Variants in MYO7A observed in about 807,000 individuals in gnomAD.
MYO7A encodes the protein unconventional myosin-VIIa.
Under a neutral mutation model 263.8 loss-of-function variants are expected in MYO7A, and 210 were observed. The ratio of observed to expected loss-of-function variants is 0.80; its 90% CI spans 0.71 to 0.89. The LOEUF (loss-of-function observed/expected upper bound fraction) is 0.89, where lower values mean the gene tolerates loss of function less well. MYO7A is among the 40% of genes least tolerant of loss of function. The probability of loss-of-function intolerance (pLI) is 0.00; values close to 1 mark genes in which losing one functional copy is unlikely to be tolerated. For missense variants in MYO7A, 2,820 were observed against 2,968.3 expected (o/e 0.95, Z 1.16); for synonymous variants, 1,239 against 1,197.3 (o/e 1.03, Z -0.72).
intron 21 of MYO7A, 102 bp downstream of exon 21, chr11:77,180,055 G>A (rs1955047901): frequency 2.4e-6 from 3 of 1,234,984 alleles, no homozygotes; most frequent in African/African-American, 3.0e-5. Flanking sequence ...CTATAGGGGG[G>A]ACCTGCAGTT....
intron 2 of MYO7A, among the ~76,000 whole-genome samples, chr11:77,139,697 C>G (rs980112493): frequency 6.6e-6 from 1 of 152,168 alleles, no homozygotes; most frequent in Non-Finnish European, 1.5e-5. Context: ...TCCCTTCCTT[C>G]TCCCTCTGAG....
intron 2 of MYO7A, among the ~76,000 whole-genome samples, chr11:77,133,581 C>A (rs1410589493): frequency 6.6e-6 from 1 of 152,228 alleles, no homozygotes; most frequent in South Asian, 2.1e-4. Context: ...TGAAATCCTT[C>A]TACTTTTAAC....
At chr11:77,212,648 G>A (rs936883812) in intron 46 of MYO7A, 9 of 470,056 alleles carry the variant, frequency 1.9e-5, no homozygotes, top group African/African-American at 3.9e-5. Flanking sequence ...GCTTGGCTGT[G>A]CGAGGAGAAC....
At chr11:77,153,066 G>C (rs1156790172) in intron 4 of MYO7A, among the ~76,000 whole-genome samples, 1 of 152,168 alleles carries the variant, frequency 6.6e-6, no homozygotes, top group Non-Finnish European at 1.5e-5. Context: ...CAGCTGGAGG[G>C]TTTTCAGCAG....
intron 14 of MYO7A, among the ~76,000 whole-genome samples, chr11:77,164,068 A>C (rs7941134): frequency 0.06 from 9,049 of 152,030 alleles, 437 homozygotes; most frequent in East Asian, 0.26. Context: ...ACCCCCTAAG[A>C]CTCTCAGCAA....
intron 46 of MYO7A, 89 bp from the exon 47 acceptor site, chr11:77,212,863 A>G: frequency 1.8e-6 from 2 of 1,096,866 alleles, no homozygotes; most frequent in Non-Finnish European, 2.7e-6. Flanking sequence ...GGCTGACTTT[A>G]TCCCAGCTGG....
intron 20 of MYO7A, 38 bp from the exon 21 acceptor site, chr11:77,179,697 G>C (rs1381198871): frequency 1.3e-6 from 2 of 1,495,204 alleles, no homozygotes; most frequent in Admixed American, 2.0e-5. Context: ...TCTGGAATGG[G>C]ACAGCAGGCT....
At chr11:77,157,419 G>A (rs1555064412) in intron 8 of MYO7A, 27 bp downstream of exon 8, 7 of 1,512,748 alleles carry the variant, frequency 4.6e-6, no homozygotes, top group African/African-American at 4.2e-5. Context: ...CCCCTGGGTA[G>A]GGGGGCACCC....
At chr11:77,187,466 G>C (rs999484506) in intron 27 of MYO7A, among the ~76,000 whole-genome samples, 3 of 152,206 alleles carry the variant, frequency 2.0e-5, no homozygotes, top group African/African-American at 7.2e-5. Flanking sequence ...GTAGATGGTA[G>C]CTTTGATCAT....
chr11:77,182,970 C>T (rs573112408), intron 25 of MYO7A, 98 bp from the exon 26 acceptor site: 43 of 1,048,376 alleles, frequency 4.1e-5, no homozygotes, highest in East Asian at 1.0e-4. Context: ...GTAAGCTTCA[C>T]GTGGAAGCGA....
Position 77,179,823 on chromosome 11 carries a change from A to G in MYO7A, c.2456A>G (p.Gln819Arg). The G allele has an allele frequency of 1.3e-6, 2 of 1,546,196 alleles. No individual in the cohort carries two copies. Among genetic ancestry groups the G allele is most frequent in the Non-Finnish European group, 1.7e-6 (2 of 1,148,002 alleles). Residue 819 changes from glutamine to arginine, a missense_variant, in exon 21 of 49, where the codon CAG becomes CGG. Physicochemically the swap from Gln to Arg is conservative, Grantham distance 43 (BLOSUM62 1). Coordinates refer to ENST00000409709, the MANE Select transcript of MYO7A (RefSeq NM_000260.4). Reference sequence around the variant, plus strand: ...CGCCTGGCCCGCCAGCGCATCATCCAGTTCCAGGCCCGCTGCCGCGCCTAT... The same window carrying G: ...CGCCTGGCCCGCCAGCGCATCATCCGGTTCCAGGCCCGCTGCCGCGCCTAT... ...QYRLARQRII[Q>R]FQARCRAYLV...
At chr11:77,153,366 C>G (rs1952150168) in intron 4 of MYO7A, among the ~76,000 whole-genome samples, 1 of 152,028 alleles carries the variant, frequency 6.6e-6, no homozygotes, top group Non-Finnish European at 1.5e-5. Flanking sequence ...AGGGGGAGCT[C>G]TGGTCTGGAT....
chr11:77,210,613 C>T (rs1222615212), intron 44 of MYO7A, among the ~76,000 whole-genome samples: 2 of 152,184 alleles, frequency 1.3e-5, no homozygotes, highest in Non-Finnish European at 2.9e-5. Context: ...AGTCTGTGGG[C>T]AGCGCCAGCC....
At chr11:77,159,559 G>C (rs1332051527) in intron 10 of MYO7A, 36 bp downstream of exon 10, 1 of 1,598,962 alleles carries the variant, frequency 6.3e-7, no homozygotes, top group Non-Finnish European at 8.6e-7. Flanking sequence ...CATGACTTCT[G>C]TCCCTCTGAA....
At chr11:77,146,272 C>T (rs1951560284) in intron 3 of MYO7A, among the ~76,000 whole-genome samples, 1 of 152,166 alleles carries the variant, frequency 6.6e-6, no homozygotes, top group Non-Finnish European at 1.5e-5. Context: ...GTCCTTGTGT[C>T]TAGCGCATGC....
intron 26 of MYO7A, among the ~76,000 whole-genome samples, chr11:77,183,694 G>A (rs77152249): frequency 6.6e-6 from 1 of 152,202 alleles, no homozygotes; most frequent in East Asian, 1.9e-4. Flanking sequence ...ACAGCCTTGG[G>A]GGCCAGGCCC....
chr11:77,133,969 G>A (rs1481704347), intron 2 of MYO7A, among the ~76,000 whole-genome samples: 3 of 152,118 alleles, frequency 2.0e-5, no homozygotes, highest in African/African-American at 7.2e-5. Flanking sequence ...CACTCTTGTA[G>A]CCCATGCTGG....
chr11:77,159,491 C>G lies in MYO7A; in HGVS notation c.1048C>G (p.Pro350Ala). The G allele has an allele frequency of 6.2e-7, 1 of 1,613,192 alleles. No homozygotes were observed. The highest frequency in any genetic ancestry group is 8.5e-7 in the Non-Finnish European group (1 of 1,179,736). ...GGATGCCTGTGAGGTTCTCTTCTCCCCATCGCTGGCCACAGCTGCATCCCT... is the reference window on the plus strand; with the variant it reads ...GGATGCCTGTGAGGTTCTCTTCTCCGCATCGCTGGCCACAGCTGCATCCCT... ...NLDACEVLFS[P>A]SLATAASLLE... Residue 350 changes from proline (P) to alanine (A), a missense_variant, in exon 10 of 49, where the codon CCA becomes GCA. Coordinates refer to ENST00000409709, the MANE Select transcript of MYO7A (RefSeq NM_000260.4).
At chr11:77,156,805 G>A in intron 6 of MYO7A, 24 bp downstream of exon 6, 1 of 1,613,958 alleles carries the variant, frequency 6.2e-7, no homozygotes, top group Non-Finnish European at 8.5e-7. Context: ...TCCGAGGGTG[G>A]GACCAGGCAG....
Sources: gnomAD v4.1 joint callset for allele counts (sites outside exome capture counted in the v4.1 genomes callset) on GRCh38, gnomAD v4.1.1 for gene constraint, MANE v1.5 for transcripts, NCBI Gene and HGNC (gene_info 2026-07-23, HGNC 2026-07-21) for gene names.